Variants in LMTK2 observed in about 807,000 individuals in gnomAD.
The protein encoded by LMTK2 is lemur tail kinase 2.
In LMTK2, 37 loss-of-function variants were observed where a neutral mutation model predicts 127.5. The ratio of observed to expected loss-of-function variants is 0.29; its 90% confidence interval spans 0.22 to 0.38. The LOEUF is 0.38. Ranked by LOEUF, LMTK2 falls within the 10% of genes least tolerant of loss-of-function variation. The probability of loss-of-function intolerance (pLI) is 1.00; values close to 1 mark genes in which losing one functional copy is unlikely to be tolerated. For missense variants in LMTK2, 1,694 were observed against 1,920.3 expected, an observed-to-expected ratio of 0.88 and a Z score of 2.20; for synonymous variants, 819 against 810.1, an observed-to-expected ratio of 1.01 and a Z score of -0.19.
At chr7:98,159,505 G>A (rs2116401328) in intron 6 of LMTK2, 80 bp downstream of exon 6, 1 of 924,184 alleles carries the variant, frequency 1.1e-6, no homozygotes, top group South Asian at 1.4e-5. Context: ...CATGCTGGAT[G>A]AGGGGTTGCT....
intron 1 of LMTK2, among the ~76,000 whole-genome samples, chr7:98,118,651 A>T (rs1394344128): frequency 6.6e-6 from 1 of 152,028 alleles, no homozygotes; most frequent in African/African-American, 2.4e-5. Context: ...ATCTTGTTTC[A>T]CCTTTACCCT....
chr7:98,193,237 A>G lies in LMTK2; in HGVS notation c.2772A>G (p.Glu924=), dbSNP rs765757895. 5 of 1,613,520 alleles carry G rather than the reference A, an allele frequency of 3.1e-6. No homozygotes were observed. Among genetic ancestry groups the G allele is most frequent in the Non-Finnish European group, 4.2e-6 (5 of 1,179,994 alleles). ...GTAGTCTCCCGGAACTGGGACAGGA[A>G]TTGCACAATAAACCATTTTCGGAAG... The part of the protein sequence containing the change: ...VGSSLPELGQ[E]LHNKPFSEDH... The change falls in exon 11 of 14, where the codon GAA becomes GAG. Residue 924 remains glutamate (E), a synonymous_variant. Coordinates refer to ENST00000297293, the MANE Select transcript of LMTK2 (RefSeq NM_014916.4). This position sits in a 1 kb window ranked among gnomAD's most constrained non-coding sequence, Gnocchi z 4.1.
intron 1 of LMTK2, among the ~76,000 whole-genome samples, chr7:98,118,442 C>T (rs1245682887): frequency 6.6e-6 from 1 of 152,110 alleles, no homozygotes; most frequent in Admixed American, 6.5e-5. Flanking sequence ...GGTAAAAGTT[C>T]AGATGAAATT....
rs764000483 is a variant in LMTK2, at chr7:98,193,018, G to A, written c.2553G>A (p.Glu851=). 10 of 1,613,898 alleles carry A rather than the reference G, an allele frequency of 6.2e-6. No homozygotes were observed. The highest frequency in any genetic ancestry group is 7.6e-6 in the Non-Finnish European group (9 of 1,180,030). ...QPTCLDVIVP[E]DCLHQDISPD... ...CGTGTTTAGATGTTATTGTCCCGGA[G>A]GACTGTCTCCACCAGGACATCAGTC... The change falls in exon 11 of 14, where the codon GAG becomes GAA. Residue 851 remains glutamate, a synonymous_variant. Transcript: ENST00000297293. The surrounding 1 kb of genome is among the most constrained non-coding windows in gnomAD (Gnocchi z 4.1).
chr7:98,164,505 A>G (rs549059947), intron 6 of LMTK2, among the ~76,000 whole-genome samples: 11 of 152,348 alleles, frequency 7.2e-5, no homozygotes, highest in South Asian at 4.1e-4. Flanking sequence ...TGCCCTGACC[A>G]TTAAGTAAGA....
rs762363044 is a variant in LMTK2 at position 98,205,514 on chromosome 7, C to T, written c.*22C>T. Reference sequence around the variant, plus strand: ...CTAGGTGGCTGCCAACGCGCACGCTCGGGTCCGAGGCTGCTCCCCTGGAGC... The same window carrying T: ...CTAGGTGGCTGCCAACGCGCACGCTTGGGTCCGAGGCTGCTCCCCTGGAGC... On this transcript the variant is annotated 3_prime_UTR_variant, in exon 14 of 14. Coordinates refer to ENST00000297293, the MANE Select transcript of LMTK2 (RefSeq NM_014916.4). The T allele has an allele frequency of 4.7e-5, 75 of 1,611,424 alleles. No homozygotes were observed. The highest frequency in any genetic ancestry group is 5.6e-5 in the Non-Finnish European group (66 of 1,179,872).
At chr7:98,121,990 C>A (rs759541369) in intron 1 of LMTK2, among the ~76,000 whole-genome samples, 2 of 151,954 alleles carry the variant, frequency 1.3e-5, no homozygotes, top group South Asian at 4.2e-4. Flanking sequence ...GCCGGACTGT[C>A]GAGACCGTGT....
At chr7:98,183,590 A>G (rs1797385741) in intron 7 of LMTK2, among the ~76,000 whole-genome samples, 1 of 152,096 alleles carries the variant, frequency 6.6e-6, no homozygotes, top group East Asian at 1.9e-4. Flanking sequence ...GGATTTCACC[A>G]TGTTGGCCAG....
At chr7:98,116,616 A>G (rs1207882094) in intron 1 of LMTK2, among the ~76,000 whole-genome samples, 1 of 152,130 alleles carries the variant, frequency 6.6e-6, no homozygotes, top group Non-Finnish European at 1.5e-5. Flanking sequence ...AAACATTGCA[A>G]AGATAGTACA....
chr7:98,115,529 G>C (rs1158823232), intron 1 of LMTK2, among the ~76,000 whole-genome samples: 1 of 152,110 alleles, frequency 6.6e-6, no homozygotes, highest in Non-Finnish European at 1.5e-5. Context: ...TTGGTTTTGG[G>C]CCGGGTGCTG....
intron 1 of LMTK2, among the ~76,000 whole-genome samples, chr7:98,113,550 C>G (rs181194123): frequency 9.2e-5 from 14 of 152,054 alleles, no homozygotes; most frequent in Admixed American, 3.3e-4. Flanking sequence ...TGTGAGCCAC[C>G]GCACCTGGCC....
chr7:98,205,893 C>G lies in LMTK2; in HGVS notation c.*401C>G, dbSNP rs1214382974. The G allele has an allele frequency of 4.5e-6, 1 of 221,058 alleles. No individual in the cohort carries two copies. Among genetic ancestry groups the G allele is most frequent in the Non-Finnish European group, 9.1e-6 (1 of 110,132 alleles). 13.7% of individuals were successfully genotyped at this position (221,058 alleles called of 1,614,324 possible). A position where few individuals can be genotyped will look rare whatever the true frequency, so the allele number is the denominator to read the frequency against. On this transcript the variant is annotated 3_prime_UTR_variant, in exon 14 of 14. Coordinates refer to ENST00000297293, the MANE Select transcript of LMTK2 (RefSeq NM_014916.4). ...CATCCCGGCGCACGTGTGGGCACCACAGAGGACACGTGAGGGGAATGGTCA... is the reference window on the plus strand; with the variant it reads ...CATCCCGGCGCACGTGTGGGCACCAGAGAGGACACGTGAGGGGAATGGTCA...
At chr7:98,164,678 G>A (rs1372042755) in intron 6 of LMTK2, among the ~76,000 whole-genome samples, 1 of 152,182 alleles carries the variant, frequency 6.6e-6, no homozygotes, top group Non-Finnish European at 1.5e-5. Context: ...TGTAAAGGCA[G>A]TGTGGAGACA....
chr7:98,189,315 T>C (rs563138326), intron 9 of LMTK2, among the ~76,000 whole-genome samples: 1 of 152,262 alleles, frequency 6.6e-6, no homozygotes, highest in Non-Finnish European at 1.5e-5. Context: ...GCCAGGCGTT[T>C]CCTTCCGCTC....
chr7:98,124,852 A>C (rs60191981), intron 1 of LMTK2, among the ~76,000 whole-genome samples: 7,864 of 152,244 alleles, frequency 0.052, 577 homozygotes, highest in East Asian at 0.33. Flanking sequence ...GTTGTTATGG[A>C]ATTGGAAGAG....
At chr7:98,115,457 AGAAG>A (rs1339775551) in intron 1 of LMTK2, among the ~76,000 whole-genome samples, 23 of 151,942 alleles carry the variant, frequency 1.5e-4, no homozygotes, top group Admixed American at 3.9e-4. Flanking sequence ...AAAAAAGAAA[AGAAG>A]GAAGGGAGGG....
At chr7:98,141,594 A>G (rs1796701181) in intron 3 of LMTK2, 53 bp downstream of exon 3, 7 of 1,530,246 alleles carry the variant, frequency 4.6e-6, no homozygotes, top group Non-Finnish European at 6.3e-6. Flanking sequence ...CTGAGATCTG[A>G]GAATGGGAGC....
rs1484933963 is a variant in LMTK2, at chr7:98,191,871, G to A, written c.1406G>A (p.Ser469Asn). 5.0e-5 allele frequency: 81 copies of A among 1,614,086 alleles called. No individual in the cohort carries two copies. The highest frequency in any genetic ancestry group is 6.2e-5 in the Non-Finnish European group (73 of 1,180,040). ...MEEVLTVTET[S>N]QGLSFEYVWE... ...GAAGTCCTCACCGTGACCGAAACCA[G>A]CCAGGGCCTGAGCTTCGAGTATGTC... is the stretch of plus-strand genomic sequence containing the variant. Residue 469 changes from serine (S) to asparagine (N), a missense_variant, in exon 11 of 14, where the codon AGC becomes AAC. Physicochemically the swap from Ser to Asn is conservative, Grantham distance 46 (BLOSUM62 1). Around this residue, in one of 8 missense-constraint regions of LMTK2, gnomAD observed 216 missense variants for 266.8 expected, o/e 0.81. Transcript: ENST00000297293.
intron 5 of LMTK2, among the ~76,000 whole-genome samples, chr7:98,158,081 C>A (rs1007544449): frequency 6.6e-6 from 1 of 152,144 alleles, no homozygotes; most frequent in Non-Finnish European, 1.5e-5. Flanking sequence ...ATAATTGTAT[C>A]AAAATAAAGG....
Sources: gnomAD v4.1 joint callset for allele counts (sites outside exome capture counted in the v4.1 genomes callset) on GRCh38, gnomAD v4.1.1 for gene constraint, gnomAD v4.1.1 regional missense constraint, Gnocchi (gnomAD v3.1) non-coding constraint, MANE v1.5 for transcripts, NCBI Gene and HGNC (gene_info 2026-07-23, HGNC 2026-07-21) for gene names.